C4orf50: variants seen among roughly 807,000 people sequenced by gnomAD.
C4orf50 encodes the protein chromosome 4 open reading frame 50.
C4orf50 carries 80 observed loss-of-function variants against 77.2 expected under a neutral mutation model. The ratio of observed to expected loss-of-function variants is 1.04; its 90% CI spans 0.87 to 1.25. The LOEUF (loss-of-function observed/expected upper bound fraction) is 1.25. Among genes scored for constraint, C4orf50 ranks in the 50% most tolerant of loss-of-function variants. The probability of loss-of-function intolerance (pLI) is 0.00; values close to 1 mark genes in which losing one functional copy is unlikely to be tolerated. For missense variants in C4orf50, 1,257 were observed against 1,152.9 expected, an observed-to-expected ratio of 1.09 and a Z score of -1.31; for synonymous variants, 532 against 465.3, an observed-to-expected ratio of 1.14 and a Z score of -1.84.
intron 7 of C4orf50, among the ~76,000 whole-genome samples, chr4:5,938,807 T>A (rs939925964): frequency 6.8e-6 from 1 of 147,142 alleles, no homozygotes; most frequent in African/African-American, 2.5e-5. Flanking sequence ...TTTTTTTTTT[T>A]ATCATTTAAG....
intron 25 of C4orf50, among the ~76,000 whole-genome samples, chr4:6,004,353 G>A (rs1460571026): frequency 7.3e-4 from 13 of 17,812 alleles, no homozygotes; most frequent in Middle Eastern, 0.026. Flanking sequence ...TGATGATGAC[G>A]GTGATGGTGA....
chr4:5,949,319 C>T (rs749146462), intron 7 of C4orf50, among the ~76,000 whole-genome samples: 3 of 152,204 alleles, frequency 2.0e-5, no homozygotes, highest in South Asian at 2.1e-4. Flanking sequence ...AGTGAACAAA[C>T]AAGATGTGCT....
intron 26 of C4orf50, among the ~76,000 whole-genome samples, chr4:5,994,133 C>G (rs1246189455): frequency 6.6e-6 from 1 of 152,218 alleles, no homozygotes; most frequent in Non-Finnish European, 1.5e-5. Context: ...GAGCCAAAGG[C>G]CCCTGGTGGG....
At position 5,970,613 on chromosome 4, in the gene C4orf50, G is replaced by A. The variant is rs142572391; in HGVS notation, c.4104+3046C>T. Among the ~76,000 whole-genome samples, 4 of 152,306 alleles carry A rather than the reference G, an allele frequency of 2.6e-5. No homozygotes were observed. Among genetic ancestry groups the A allele is most frequent in the East Asian group, 1.9e-4 (1 of 5,168 alleles). On this transcript the variant is annotated intron_variant, in intron 31 of 33. Coordinates refer to ENST00000531445, the Ensembl canonical transcript of C4orf50. The surrounding 1 kb of genome is among the most constrained non-coding windows in gnomAD (Gnocchi z 4.3). ...GCAGAAAGGGCACTGGGGCCAAACC[G>A]ACTCTGAGGCTCAATTTCCACCACG...
chr4:5,939,243 CA>C (rs952335534), intron 7 of C4orf50, among the ~76,000 whole-genome samples: 9 of 150,412 alleles, frequency 6.0e-5, no homozygotes, highest in Admixed American at 2.7e-4. Context: ...AACTCTGTCT[CA>C]AAAAAAAAGA....
At chr4:6,005,964 T>C (rs1722235058) in intron 25 of C4orf50, among the ~76,000 whole-genome samples, 1 of 152,182 alleles carries the variant, frequency 6.6e-6, no homozygotes, top group Non-Finnish European at 1.5e-5. Flanking sequence ...GCCTAAAGTC[T>C]TACGTTTAGG....
intron 32 of C4orf50, among the ~76,000 whole-genome samples, chr4:5,965,514 CA>C (rs1200901544): frequency 6.6e-6 from 1 of 152,164 alleles, no homozygotes; most frequent in Admixed American, 6.5e-5. Flanking sequence ...CAGAAATGTC[CA>C]ACAAAAAAAT....
intron 7 of C4orf50, chr4:5,898,283 G>C (rs982982045): frequency 1.6e-4 from 25 of 152,318 alleles, no homozygotes; most frequent in African/African-American, 5.8e-4. Context: ...CTGTGGAAGA[G>C]ATCATCTTAT....
At chr4:6,010,219 G>C (rs527853290) in intron 24 of C4orf50, among the ~76,000 whole-genome samples, 1 of 152,106 alleles carries the variant, frequency 6.6e-6, no homozygotes, top group Non-Finnish European at 1.5e-5. Context: ...ACTCAACGCC[G>C]CTCTACCTAT....
intron 28 of C4orf50, among the ~76,000 whole-genome samples, chr4:5,987,111 G>A (rs538977973): frequency 1.3e-5 from 2 of 152,018 alleles, no homozygotes; most frequent in Admixed American, 6.6e-5. Context: ...AAAGAAAGTG[G>A]GAGAAAGAAT....
At chr4:5,990,280 A>G in exon 28 of C4orf50, 1 of 1,190,942 alleles carries the variant, frequency 8.4e-7, no homozygotes. Flanking sequence ...CTCCAAGCTC[A>G]GGTTCTGATG....
chr4:5,970,355 G>A lies in C4orf50; in HGVS notation c.4105-2893C>T, dbSNP rs1302746585. ...TAACATCAGGGAGGCGGCAAGACCC[G>A]TGTTCCCAGCAGAAGGAAAAGTGAC... On this transcript the variant is annotated intron_variant, in intron 31 of 33. Coordinates refer to ENST00000531445, the Ensembl canonical transcript of C4orf50. This position sits in a 1 kb window ranked among gnomAD's most constrained non-coding sequence, Gnocchi z 4.3. Among the ~76,000 whole-genome samples the A allele has an allele frequency of 2.6e-5, 4 of 152,288 alleles. No individual in the cohort carries two copies. The highest frequency in any genetic ancestry group is 2.1e-4 in the South Asian group (1 of 4,820).
At chr4:5,933,473 T>C (rs1401134070) in intron 7 of C4orf50, among the ~76,000 whole-genome samples, 1 of 152,202 alleles carries the variant, frequency 6.6e-6, no homozygotes, top group Non-Finnish European at 1.5e-5. Context: ...GGCTGACCCC[T>C]GACTCTGGGC....
chr4:5,977,923 A>T (rs1221247225), intron 29 of C4orf50, among the ~76,000 whole-genome samples: 1 of 152,278 alleles, frequency 6.6e-6, no homozygotes, highest in Admixed American at 6.5e-5. Flanking sequence ...TCATATATCT[A>T]ATAAAGGACT....
In C4orf50 at chr4:5,992,727, C is replaced by T. The variant is rs530457710; in HGVS notation, c.1221+76G>A. The T allele has an allele frequency of 6.5e-5, 26 of 398,946 alleles. No homozygotes were observed. In the East Asian group the frequency reaches 7.5e-4, roughly 11 times the overall value. The allele number at this position is 398,946 out of a possible 1,614,324, so 24.7% of individuals were successfully genotyped here. The stretch of plus-strand genomic sequence containing the variant: ...TACCCCTCCCACATCCTGCGTGTGG[C>T]CACATAGCCTGCATGAGGCAGGGCT... On this transcript the variant is annotated intron_variant, in intron 27 of 33. Transcript: ENST00000531445. The surrounding 1 kb of genome is among the most constrained non-coding windows in gnomAD (Gnocchi z 5.0).
intron 28 of C4orf50, among the ~76,000 whole-genome samples, chr4:5,986,468 C>T (rs1366911986): frequency 1.3e-5 from 2 of 151,620 alleles, no homozygotes; most frequent in Non-Finnish European, 2.9e-5. Flanking sequence ...GTTGTTGTTG[C>T]TTGTTTTTAT....
At chr4:5,959,678 G>A in intron 33 of C4orf50, 52 bp from the exon 12 acceptor site, 1 of 1,560,282 alleles carries the variant, frequency 6.4e-7, no homozygotes, top group South Asian at 1.2e-5. Flanking sequence ...GTTTGTAAAA[G>A]CCCCTCCATT....
At chr4:6,004,027 GTGATAGTGA>G (rs1722025099) in intron 25 of C4orf50, among the ~76,000 whole-genome samples, 1 of 30,752 alleles carries the variant, frequency 3.3e-5, no homozygotes, top group African/African-American at 1.7e-4. Context: ...TGGTGATAAT[GTGATAGTGA>G]TGATGGTGAT....
At chr4:5,912,098 C>CAAA (rs1470903970) in intron 7 of C4orf50, among the ~76,000 whole-genome samples, 1 of 152,104 alleles carries the variant, frequency 6.6e-6, no homozygotes, top group Non-Finnish European at 1.5e-5. Context: ...CACAAACAAA[C>CAAA]AAAAATACCA....
Sources: gnomAD v4.1 joint callset for allele counts (sites outside exome capture counted in the v4.1 genomes callset) on GRCh38, gnomAD v4.1.1 for gene constraint, Gnocchi (gnomAD v3.1) non-coding constraint, MANE v1.5 for transcripts, NCBI Gene and HGNC (gene_info 2026-07-23, HGNC 2026-07-21) for gene names.